Variants in COPE observed in about 807,000 individuals in gnomAD.
COPE encodes coatomer subunit epsilon.
A neutral mutation model predicts 42.1 loss-of-function variants in COPE; 19 were observed. The ratio of observed to expected loss-of-function variants is 0.45; its 90% CI spans 0.31 to 0.66. COPE has a LOEUF of 0.66. Among genes scored for constraint, COPE ranks in the 30% least tolerant of loss-of-function variants. The pLI is 0.05. For synonymous variants in COPE, 195 were observed against 181.3 expected (o/e 1.08, Z -0.60); for missense variants, 402 against 416.1 (o/e 0.97, Z 0.30).
intron 7 of COPE, among the ~76,000 whole-genome samples, chr19:18,902,494 G>A (rs1179435266): frequency 2.4e-4 from 36 of 147,838 alleles, no homozygotes; most frequent in Non-Finnish European, 4.2e-4. Context: ...GCAAAACCCC[G>A]TCTCTACTAA....
chr19:18,903,782 C>T (rs1351250504), intron 6 of COPE, among the ~76,000 whole-genome samples: 1 of 152,208 alleles, frequency 6.6e-6, no homozygotes, highest in African/African-American at 2.4e-5. Flanking sequence ...CTGTGACCAG[C>T]AGCCCTGACC....
In COPE at chr19:18,906,991, G is replaced by A. The variant is rs781041495; in HGVS notation, c.412C>T (p.Arg138Cys). ...AGGCTGTCCCCCTGGTGCAGCGCACGCAGGGCGGCATCCGGGTTCTGGTCG... is the reference window on the plus strand; with the variant it reads ...AGGCTGTCCCCCTGGTGCAGCGCACACAGGGCGGCATCCGGGTTCTGGTCG... ...LHDQNPDAAL[R>C]ALHQGDSLEC... The change falls in exon 4 of 10, where the codon CGT becomes TGT. Residue 138 changes from arginine to cysteine, a missense_variant. By Grantham distance (180) the Arg-to-Cys change is radical (BLOSUM62 -3). Transcript: ENST00000262812. 1.9e-6 allele frequency: 3 copies of A among 1,577,568 alleles called. No homozygotes were observed. Among genetic ancestry groups the A allele is most frequent in the African/African-American group, 1.3e-5 (1 of 74,334 alleles).
intron 7 of COPE, among the ~76,000 whole-genome samples, chr19:18,901,533 C>T (rs925806395): frequency 6.6e-6 from 1 of 152,194 alleles, no homozygotes; most frequent in Non-Finnish European, 1.5e-5. Context: ...CAGCCTGATA[C>T]CCCTTGGCCA....
intron 3 of COPE, among the ~76,000 whole-genome samples, chr19:18,909,951 G>A (rs995224114): frequency 1.3e-5 from 2 of 152,174 alleles, no homozygotes; most frequent in South Asian, 2.1e-4. Context: ...AAGCATGTGG[G>A]ATAGGATATG....
intron 7 of COPE, 80 bp from the exon 8 acceptor site, chr19:18,900,529 G>T: frequency 1.8e-6 from 2 of 1,128,554 alleles, no homozygotes; most frequent in Non-Finnish European, 2.6e-6. Flanking sequence ...ACCTCAGGCA[G>T]CACCACACAA....
chr19:18,914,543 T>C (rs2056837948), intron 1 of COPE, among the ~76,000 whole-genome samples: 1 of 151,186 alleles, frequency 6.6e-6, no homozygotes, highest in Non-Finnish European at 1.5e-5. Flanking sequence ...TCCATCTCAA[T>C]AAAAAATAAA....
At chr19:18,918,113 C>G (rs561298772) in intron 1 of COPE, among the ~76,000 whole-genome samples, 122 of 137,264 alleles carry the variant, frequency 8.9e-4, no homozygotes, top group African/African-American at 3.3e-3. Flanking sequence ...TTGCTTGAAC[C>G]TGGGGGCGGA....
At chr19:18,907,360 G>A (rs2056770563) in intron 3 of COPE, among the ~76,000 whole-genome samples, 1 of 152,154 alleles carries the variant, frequency 6.6e-6, no homozygotes, top group African/African-American at 2.4e-5. Context: ...AAGGGGACAT[G>A]AGGAGGCACC....
intron 1 of COPE, among the ~76,000 whole-genome samples, chr19:18,914,236 G>A (rs2056834993): frequency 6.6e-6 from 1 of 152,154 alleles, no homozygotes; most frequent in Non-Finnish European, 1.5e-5. Flanking sequence ...ACCTTTTCAA[G>A]TATGCAAAGA....
At chr19:18,913,926 C>T (rs534047186) in intron 1 of COPE, among the ~76,000 whole-genome samples, 1 of 152,312 alleles carries the variant, frequency 6.6e-6, no homozygotes, top group African/African-American at 2.4e-5. Context: ...AAGCCGAGAA[C>T]CACAGATTCC....
chr19:18,916,826 T>C (rs2056857563), intron 1 of COPE, among the ~76,000 whole-genome samples: 1 of 149,692 alleles, frequency 6.7e-6, no homozygotes, highest in African/African-American at 2.5e-5. Context: ...CTGGGTGTGG[T>C]GGTGGGCACC....
At chr19:18,900,248 G>A (rs2056684828) in intron 8 of COPE, 133 bp downstream of exon 8, 3 of 750,644 alleles carry the variant, frequency 4.0e-6, no homozygotes, top group Admixed American at 5.8e-5. Context: ...CAGGGTTTGT[G>A]AGGGAGGTGG....
intron 3 of COPE, among the ~76,000 whole-genome samples, chr19:18,908,691 T>G (rs989129053): frequency 6.6e-6 from 1 of 151,708 alleles, no homozygotes; most frequent in African/African-American, 2.4e-5. Context: ...TAATTTTTTT[T>G]GTATTTTTAG....
intron 3 of COPE, among the ~76,000 whole-genome samples, chr19:18,907,369 C>T (rs1314954678): frequency 1.3e-5 from 2 of 152,172 alleles, no homozygotes; most frequent in African/African-American, 4.8e-5. Context: ...TGAGGAGGCA[C>T]CGTCAGTCTC....
chr19:18,907,777 C>A (rs180692173), intron 3 of COPE, among the ~76,000 whole-genome samples: 2 of 152,344 alleles, frequency 1.3e-5, no homozygotes, highest in Non-Finnish European at 2.9e-5. Context: ...CCACCCTAGA[C>A]CAAAGCTGGT....
At chr19:18,918,321 C>A (rs566379260) in intron 1 of COPE, among the ~76,000 whole-genome samples, 1 of 152,076 alleles carries the variant, frequency 6.6e-6, no homozygotes, top group Non-Finnish European at 1.5e-5. Context: ...ACTCTCCGAC[C>A]CTGAATCCTT....
At chr19:18,912,229 C>T (rs2056816953) in intron 2 of COPE, among the ~76,000 whole-genome samples, 1 of 152,154 alleles carries the variant, frequency 6.6e-6, no homozygotes, top group Non-Finnish European at 1.5e-5. Context: ...TCACTGTAAT[C>T]TTGACCTCCT....
At chr19:18,907,890 G>A (rs1161338998) in intron 3 of COPE, among the ~76,000 whole-genome samples, 4 of 152,204 alleles carry the variant, frequency 2.6e-5, no homozygotes, top group Non-Finnish European at 4.4e-5. Flanking sequence ...TGAGGGCATG[G>A]CATGTCTGAT....
intron 3 of COPE, 76 bp from the exon 4 acceptor site, chr19:18,907,188 G>T: frequency 6.6e-7 from 1 of 1,520,564 alleles, no homozygotes; most frequent in Non-Finnish European, 8.9e-7. Context: ...TTCCTTGGAA[G>T]CAGACAGGTC....
Sources: gnomAD v4.1 joint callset for allele counts (sites outside exome capture counted in the v4.1 genomes callset) on GRCh38, gnomAD v4.1.1 for gene constraint, MANE v1.5 for transcripts, NCBI Gene and HGNC (gene_info 2026-07-23, HGNC 2026-07-21) for gene names.